Variants in KIAA0825 observed in about 807,000 individuals in gnomAD.
KIAA0825 encodes the protein KIAA0825.
In KIAA0825, 119 loss-of-function variants were observed where a neutral mutation model predicts 147.6. The ratio of observed to expected loss-of-function variants is 0.81; its 90% CI spans 0.69 to 0.94. The LOEUF (loss-of-function observed/expected upper bound fraction) is 0.94, where lower values mean the gene tolerates loss of function less well. Ranked by LOEUF, KIAA0825 falls within the 40% of genes least tolerant of loss-of-function variation. KIAA0825 has a pLI of 0.00. For missense variants in KIAA0825, 1,381 were observed against 1,472.7 expected (o/e 0.94, Z 1.02); for synonymous variants, 470 against 518.1 (o/e 0.91, Z 1.26).
intron 20 of KIAA0825, among the ~76,000 whole-genome samples, chr5:94,225,698 C>T (rs1396541816): frequency 6.6e-6 from 1 of 152,168 alleles, no homozygotes; most frequent in Admixed American, 6.5e-5. Flanking sequence ...TTGCCAGCCT[C>T]CTGAGCTGTG....
At chr5:94,420,205 A>T (rs1353388785) in intron 14 of KIAA0825, among the ~76,000 whole-genome samples, 1 of 152,152 alleles carries the variant, frequency 6.6e-6, no homozygotes, top group Non-Finnish European at 1.5e-5. Context: ...TCAACAGAGC[A>T]TGAATAATAT....
chr5:94,566,560 T>A (rs1778752579), intron 2 of KIAA0825, among the ~76,000 whole-genome samples: 1 of 152,136 alleles, frequency 6.6e-6, no homozygotes, highest in Non-Finnish European at 1.5e-5. Context: ...TCTTGATATA[T>A]TTTTGCATAC....
chr5:94,596,880 T>C (rs1785413896), intron 1 of KIAA0825, among the ~76,000 whole-genome samples: 1 of 152,054 alleles, frequency 6.6e-6, no homozygotes, highest in Non-Finnish European at 1.5e-5. Flanking sequence ...CCATGCTTGG[T>C]TGTTGTTGGT....
At chr5:94,305,501 G>T (rs929983516) in intron 20 of KIAA0825, among the ~76,000 whole-genome samples, 3 of 151,912 alleles carry the variant, frequency 2.0e-5, no homozygotes, top group African/African-American at 7.2e-5. Context: ...GATGTAAAAT[G>T]AGCTAAAGGC....
chr5:94,375,358 C>T (rs919022918), intron 20 of KIAA0825, among the ~76,000 whole-genome samples: 2 of 152,046 alleles, frequency 1.3e-5, no homozygotes, highest in African/African-American at 2.4e-5. Flanking sequence ...AGCCCCTAAA[C>T]TTCCCGGGAA....
At chr5:94,496,780 C>T (rs1243003859) in intron 5 of KIAA0825, among the ~76,000 whole-genome samples, 1 of 152,118 alleles carries the variant, frequency 6.6e-6, no homozygotes, top group Non-Finnish European at 1.5e-5. Flanking sequence ...GGGATTGAGG[C>T]CCTGAATTTT....
intron 20 of KIAA0825, among the ~76,000 whole-genome samples, chr5:94,326,772 G>C (rs1780734093): frequency 6.6e-6 from 1 of 152,142 alleles, no homozygotes; most frequent in Non-Finnish European, 1.5e-5. Context: ...ATTACTTTTT[G>C]TTTTTCCAAA....
intron 3 of KIAA0825, among the ~76,000 whole-genome samples, chr5:94,535,762 C>T (rs1035419463): frequency 6.6e-6 from 1 of 152,138 alleles, no homozygotes; most frequent in Admixed American, 6.5e-5. Flanking sequence ...AAAACTATCT[C>T]CTGTCATAAA....
At chr5:94,596,196 C>T (rs192543627) in intron 1 of KIAA0825, among the ~76,000 whole-genome samples, 28 of 152,268 alleles carry the variant, frequency 1.8e-4, no homozygotes, top group Admixed American at 1.8e-3. Context: ...GGTTTTCTCC[C>T]AGGGATTTTA....
intron 20 of KIAA0825, among the ~76,000 whole-genome samples, chr5:94,231,225 G>A (rs1431133785): frequency 6.6e-6 from 1 of 152,036 alleles, no homozygotes; most frequent in African/African-American, 2.4e-5. Flanking sequence ...TGTCTCAACA[G>A]GGCATCAAGG....
chr5:94,457,665 C>T (rs1759286076), intron 12 of KIAA0825, among the ~76,000 whole-genome samples: 1 of 152,182 alleles, frequency 6.6e-6, no homozygotes, highest in Admixed American at 6.6e-5. Flanking sequence ...CAAAACTGAT[C>T]AGCTCTTTGG....
chr5:94,396,876 C>CCT (rs1750730122), intron 16 of KIAA0825, among the ~76,000 whole-genome samples: 3 of 152,018 alleles, frequency 2.0e-5, no homozygotes, highest in Admixed American at 2.0e-4. Flanking sequence ...AAGCCCTTCT[C>CCT]CTCCTCCCTT....
chr5:94,457,561 C>T (rs1759271580), intron 12 of KIAA0825, among the ~76,000 whole-genome samples: 2 of 152,314 alleles, frequency 1.3e-5, no homozygotes, highest in South Asian at 4.1e-4. Flanking sequence ...ATCGTAGGGC[C>T]TCTGTGCCGA....
At chr5:94,375,350 C>A (rs534913460) in intron 20 of KIAA0825, among the ~76,000 whole-genome samples, 1 of 151,946 alleles carries the variant, frequency 6.6e-6, no homozygotes, top group African/African-American at 2.4e-5. Flanking sequence ...TTTTTCTGAG[C>A]CCCTAAACTT....
intron 20 of KIAA0825, among the ~76,000 whole-genome samples, chr5:94,158,568 G>T (rs564114988): frequency 6.6e-6 from 1 of 152,230 alleles, no homozygotes; most frequent in Admixed American, 6.5e-5. Flanking sequence ...ATTGGCTTTA[G>T]AATCTCCAAA....
At chr5:94,593,976 T>C (rs1200778072) in intron 1 of KIAA0825, 2 of 476,158 alleles carry the variant, frequency 4.2e-6, no homozygotes, top group East Asian at 1.1e-4. Flanking sequence ...TTAGAATCCT[T>C]GCTATTACTC....
intron 12 of KIAA0825, among the ~76,000 whole-genome samples, 177 bp downstream of exon 12, chr5:94,462,210 T>C (rs1200308881): frequency 6.6e-6 from 1 of 151,942 alleles, no homozygotes; most frequent in Non-Finnish European, 1.5e-5. Flanking sequence ...GCATCGAGAA[T>C]TATGAAACTC....
chr5:94,463,347 C>A (rs1760071335), intron 11 of KIAA0825, among the ~76,000 whole-genome samples: 1 of 149,468 alleles, frequency 6.7e-6, no homozygotes, highest in Non-Finnish European at 1.5e-5. Context: ...CTTTGAGGAT[C>A]TTTTAAAATG....
At chr5:94,192,791 G>A (rs545974016) in intron 20 of KIAA0825, among the ~76,000 whole-genome samples, 1 of 151,986 alleles carries the variant, frequency 6.6e-6, no homozygotes, top group Non-Finnish European at 1.5e-5. Flanking sequence ...TTCCCCTCAG[G>A]TACACTCTCC....
Sources: gnomAD v4.1 joint callset for allele counts (sites outside exome capture counted in the v4.1 genomes callset) on GRCh38, gnomAD v4.1.1 for gene constraint, MANE v1.5 for transcripts, NCBI Gene and HGNC (gene_info 2026-07-23, HGNC 2026-07-21) for gene names.